Variants in RHOH observed in about 807,000 individuals in gnomAD.
RHOH encodes ras homolog family member H.
Under a neutral mutation model 13.8 loss-of-function variants are expected in RHOH, and 6 were observed. The ratio of observed to expected loss-of-function variants is 0.44; its 90% CI spans 0.24 to 0.86. RHOH has a LOEUF of 0.86. RHOH is among the 40% of genes least tolerant of loss of function. RHOH has a pLI of 0.24. For synonymous variants in RHOH, 117 were observed against 103.0 expected (o/e 1.14, Z -0.82); for missense variants, 147 against 244.5 (o/e 0.60, Z 2.66).
chr4:40,211,946 T>C (rs1416940899), intron 1 of RHOH, among the ~76,000 whole-genome samples: 1 of 152,184 alleles, frequency 6.6e-6, no homozygotes, highest in African/African-American at 2.4e-5. Context: ...TGCCCCGAGC[T>C]GTCTAACAGT....
chr4:40,204,818 C>T (rs1266222099), intron 1 of RHOH, among the ~76,000 whole-genome samples: 1 of 152,178 alleles, frequency 6.6e-6, no homozygotes, highest in Non-Finnish European at 1.5e-5. Flanking sequence ...AGAGTTGTTT[C>T]CCTTCAGATA....
chr4:40,231,917 C>T (rs926073406), intron 1 of RHOH, among the ~76,000 whole-genome samples: 4 of 152,228 alleles, frequency 2.6e-5, no homozygotes, highest in Non-Finnish European at 5.9e-5. Flanking sequence ...TCCTTCATTG[C>T]TCATGTTTCT....
intron 1 of RHOH, among the ~76,000 whole-genome samples, chr4:40,202,920 T>C (rs1398341474): frequency 2.2e-4 from 33 of 152,198 alleles, no homozygotes; most frequent in Admixed American, 2.2e-3. Context: ...GAAATGATTT[T>C]TGTAGAGCAA....
In RHOH at chr4:40,244,843, C is replaced by A. The variant is rs13130216; in HGVS notation, c.*881C>A. 19,713 of 169,510 alleles carry A rather than the reference C, an allele frequency of 0.12. 1,263 individuals carry two copies. Among genetic ancestry groups the A allele is most frequent in the Admixed American group, 0.18 (2,860 of 15,672 alleles). 10.5% of individuals were successfully genotyped at this position (169,510 alleles called of 1,614,324 possible). Reference sequence around the variant, plus strand: ...TGGTAGGGTGGTTCCCAGGCGACTGCAGGTCCTGTGAAAGACAGGGGTCTC... The same window carrying A: ...TGGTAGGGTGGTTCCCAGGCGACTGAAGGTCCTGTGAAAGACAGGGGTCTC... On this transcript the variant is annotated 3_prime_UTR_variant, in exon 3 of 3. Transcript: ENST00000381799.
chr4:40,193,051 C>G (rs1216151422), upstream of RHOH: 8 of 152,672 alleles, frequency 5.2e-5, no homozygotes, highest in African/African-American at 1.7e-4. Context: ...TGTTCAGTAC[C>G]TTGGATTTCT....
At chr4:40,214,867 G>T (rs1211037998) in intron 1 of RHOH, among the ~76,000 whole-genome samples, 1 of 152,114 alleles carries the variant, frequency 6.6e-6, no homozygotes, top group Non-Finnish European at 1.5e-5. Context: ...GGAATGTCTT[G>T]GTGTCATAGC....
intron 1 of RHOH, among the ~76,000 whole-genome samples, chr4:40,219,037 T>C (rs1482817200): frequency 6.6e-6 from 1 of 152,212 alleles, no homozygotes; most frequent in African/African-American, 2.4e-5. Flanking sequence ...AATCTACTGA[T>C]AAGGAAAAAG....
At chr4:40,209,961 G>T (rs1725059932) in intron 1 of RHOH, among the ~76,000 whole-genome samples, 2 of 152,086 alleles carry the variant, frequency 1.3e-5, no homozygotes, top group Non-Finnish European at 2.9e-5. Context: ...AATTCAAAAT[G>T]CCAAATATTA....
intron 1 of RHOH, among the ~76,000 whole-genome samples, chr4:40,207,414 G>T (rs1474179536): frequency 6.6e-6 from 1 of 151,970 alleles, no homozygotes; most frequent in Non-Finnish European, 1.5e-5. Flanking sequence ...TTCAGGAAAA[G>T]CAATTGAAAT....
intron 1 of RHOH, among the ~76,000 whole-genome samples, chr4:40,202,056 T>G (rs1724078557): frequency 6.6e-6 from 1 of 150,840 alleles, no homozygotes; most frequent in Non-Finnish European, 1.5e-5. Flanking sequence ...GCTCATTTGA[T>G]CCTCCTGCCT....
intron 1 of RHOH, among the ~76,000 whole-genome samples, chr4:40,242,322 C>T (rs1040553649): frequency 2.0e-5 from 3 of 152,312 alleles, no homozygotes; most frequent in East Asian, 1.9e-4. Context: ...AGGGGCCTAG[C>T]GGAGTTCGGG....
At chr4:40,213,556 T>TA (rs1414085851) in intron 1 of RHOH, among the ~76,000 whole-genome samples, 1 of 152,084 alleles carries the variant, frequency 6.6e-6, no homozygotes, top group Non-Finnish European at 1.5e-5. Flanking sequence ...AGGGTCTGGT[T>TA]AAGACAACTA....
At chr4:40,233,349 A>G (rs891057964) in intron 1 of RHOH, among the ~76,000 whole-genome samples, 11 of 144,172 alleles carry the variant, frequency 7.6e-5, no homozygotes, top group African/African-American at 3.0e-4. Flanking sequence ...ATGAGATCAC[A>G]TAGCCAGTGG....
At chr4:40,234,284 T>C (rs1204349913) in intron 1 of RHOH, among the ~76,000 whole-genome samples, 1 of 152,184 alleles carries the variant, frequency 6.6e-6, no homozygotes, top group African/African-American at 2.4e-5. Flanking sequence ...CAAGCAGTTT[T>C]TCAGGCTATT....
rs1183908320 is a variant in RHOH at position 40,243,250 on chromosome 4, A to G, written c.-137A>G. On this transcript the variant is annotated 5_prime_UTR_variant, in exon 3 of 3. Coordinates refer to ENST00000381799, the MANE Select transcript of RHOH (RefSeq NM_004310.5). This position sits in a 1 kb window ranked among gnomAD's most constrained non-coding sequence, Gnocchi z 6.2. ...GGCAGGGAGAAGTAACATTCTGCAA[A>G]TCGCCGTCAGAGGTCCTGAGGACAC... 1.5e-6 allele frequency: 1 copy of G among 646,230 alleles called. No individual in the cohort carries two copies. The highest frequency in any genetic ancestry group is 2.6e-6 in the Non-Finnish European group (1 of 382,482). The allele number at this position is 646,230 out of a possible 1,614,324, so 40.0% of individuals were successfully genotyped here.
chr4:40,212,885 A>G (rs1725430219), intron 1 of RHOH: 1 of 152,362 alleles, frequency 6.6e-6, no homozygotes. Context: ...GATCCTTATC[A>G]TGTGGATGGC....
chr4:40,219,281 A>T (rs1326881898), intron 1 of RHOH, among the ~76,000 whole-genome samples: 1 of 152,046 alleles, frequency 6.6e-6, no homozygotes, highest in Non-Finnish European at 1.5e-5. Flanking sequence ...GCATGGTGGC[A>T]CATGCCTGAA....
chr4:40,241,712 G>C (rs1379730351), intron 1 of RHOH, among the ~76,000 whole-genome samples: 1 of 151,886 alleles, frequency 6.6e-6, no homozygotes, highest in Admixed American at 6.6e-5. Context: ...AACATAGTGA[G>C]ACTGTGTCTC....
chr4:40,221,384 G>A (rs1726554281), intron 1 of RHOH, among the ~76,000 whole-genome samples: 1 of 152,166 alleles, frequency 6.6e-6, no homozygotes, highest in Admixed American at 6.5e-5. Context: ...ACAAACTGAA[G>A]GTTTGTGGCA....
Sources: allele counts gnomAD v4.1 joint callset (sites outside exome capture counted in the v4.1 genomes callset), GRCh38; gene constraint gnomAD v4.1.1; non-coding constraint Gnocchi (gnomAD v3.1); transcripts MANE v1.5; gene names NCBI Gene and HGNC (gene_info 2026-07-23, HGNC 2026-07-21).